The following CA13 variants were observed in gnomAD, a reference collection of about 807,000 sequenced individuals.
CA13 encodes CA-XIII.
Under a neutral mutation model 31.5 loss-of-function variants are expected in CA13, and 21 were observed. That is an observed-to-expected ratio of 0.67 (90% CI 0.47 to 0.96). The LOEUF is 0.96. CA13 is among the 40% of genes least tolerant of loss of function. The probability of loss-of-function intolerance (pLI) is 0.00; values close to 1 mark genes in which losing one functional copy is unlikely to be tolerated. For missense variants in CA13, 315 were observed against 318.9 expected (o/e 0.99, Z 0.09); for synonymous variants, 117 against 111.4 (o/e 1.05, Z -0.32).
intron 3 of CA13, among the ~76,000 whole-genome samples, chr8:85,264,718 CTGTT>C (rs1311553137): frequency 8.5e-5 from 13 of 152,204 alleles, no homozygotes; most frequent in Non-Finnish European, 7.4e-5. Flanking sequence ...ATATCTTTCT[CTGTT>C]TGGTCTCATC....
intron 3 of CA13, among the ~76,000 whole-genome samples, chr8:85,263,803 A>C (rs1184107915): frequency 6.6e-6 from 1 of 152,150 alleles, no homozygotes; most frequent in Non-Finnish European, 1.5e-5. Flanking sequence ...CAGTTTAAGA[A>C]GAGGTCAAGG....
intron 1 of CA13, chr8:85,249,778 A>G (rs963577453): frequency 4.6e-6 from 2 of 432,714 alleles, no homozygotes; most frequent in South Asian, 1.7e-5. Flanking sequence ...ATAAGAACCT[A>G]TAACCTATAA....
rs756431566 is a variant in CA13, at chr8:85,259,515, A to G, written c.330A>G (p.Val110=). The G allele has an allele frequency of 6.2e-7, 1 of 1,613,890 alleles. No individual in the cohort carries two copies. The highest frequency in any genetic ancestry group is 8.5e-7 in the Non-Finnish European group (1 of 1,179,762). ...SADDHGSEHI[V]DGVSYAAELH... ...ATGACCACGGCTCCGAGCACATAGT[A>G]GATGGAGTGAGCTATGCTGCAGAGG... The change falls in exon 3 of 7, where the codon GTA becomes GTG. Residue 110 remains valine (V), a synonymous_variant. Transcript: ENST00000321764.
chr8:85,274,440 C>T (rs1352666779), intron 6 of CA13, among the ~76,000 whole-genome samples: 1 of 152,072 alleles, frequency 6.6e-6, no homozygotes, highest in Non-Finnish European at 1.5e-5. Flanking sequence ...ATTAGAGAAC[C>T]ACCCTCCTAG....
At chr8:85,263,685 G>A (rs1054791727) in intron 3 of CA13, among the ~76,000 whole-genome samples, 5 of 152,176 alleles carry the variant, frequency 3.3e-5, no homozygotes, top group Non-Finnish European at 1.5e-5. Flanking sequence ...GTCTGGGAAG[G>A]AGCAGGTTGC....
At chr8:85,278,435 G>C (rs375444095) in intron 6 of CA13, among the ~76,000 whole-genome samples, 1 of 152,088 alleles carries the variant, frequency 6.6e-6, no homozygotes, top group Non-Finnish European at 1.5e-5. Flanking sequence ...TGAGACATGC[G>C]TGTGGACATA....
At chr8:85,274,647 G>A (rs181632368) in intron 6 of CA13, among the ~76,000 whole-genome samples, 7 of 152,252 alleles carry the variant, frequency 4.6e-5, no homozygotes, top group African/African-American at 1.4e-4. Flanking sequence ...AAAAATTGCC[G>A]CAAGCATTTG....
chr8:85,266,614 G>T lies in CA13; in HGVS notation c.361G>T (p.Val121Phe), dbSNP rs1308386622. ...TTGTATATCTCCCTTTCAGCTCCAT[G>T]TTGTTCACTGGAATTCAGACAAATA... The part of the protein sequence containing the change: ...DGVSYAAELH[V>F]VHWNSDKYPS... The change falls in exon 4 of 7, where the codon GTT (valine) becomes TTT (phenylalanine). Residue 121 changes from valine to phenylalanine, a missense_variant. Physicochemically the swap from Val to Phe is conservative, Grantham distance 50 (BLOSUM62 -1). Transcript: ENST00000321764. The T allele has an allele frequency of 6.2e-7, 1 of 1,613,116 alleles. No homozygotes were observed. Among genetic ancestry groups the T allele is most frequent in the South Asian group, 1.1e-5 (1 of 91,022 alleles).
chr8:85,259,554 A>G lies in CA13; in HGVS notation c.354+15A>G. On this transcript the variant is annotated intron_variant, in intron 3 of 6. Coordinates refer to ENST00000321764, the MANE Select transcript of CA13 (RefSeq NM_198584.3). ...ATGCTGCAGAGGTAAGCCATAAGAC[A>G]TATCTGTGATTCACAGTTTTCCCAC... 6.3e-7 allele frequency: 1 copy of G among 1,594,046 alleles called. No individual in the cohort carries two copies. The highest frequency in any genetic ancestry group is 8.6e-7 in the Non-Finnish European group (1 of 1,161,920).
Position 85,245,511 on chromosome 8 carries a change from C to T in CA13, c.-318C>T, listed in dbSNP as rs1274083922. The T allele has an allele frequency of 2.6e-6, 1 of 383,692 alleles. No individual in the cohort carries two copies. Among genetic ancestry groups the T allele is most frequent in the Non-Finnish European group, 4.7e-6 (1 of 211,614 alleles). The allele number at this position is 383,692 out of a possible 1,614,324, so 23.8% of individuals were successfully genotyped here. On this transcript the variant is annotated 5_prime_UTR_variant, in exon 1 of 7. Coordinates refer to ENST00000321764, the MANE Select transcript of CA13 (RefSeq NM_198584.3). ...CACTTTCCTCTCCCGAGTGACGACT[C>T]CTCAGAAGGCAGGAGATCCCCCCCG...
At position 85,258,759 on chromosome 8, in the gene CA13, C is replaced by CAAAAAAAAA. The variant is rs33933991; in HGVS notation, c.236-641_236-633dup. ...ATAACATAGTGAGGCCCTGTCTCTACAAAAAAAAAAAAAAAAAAAAAAAAA... is the reference window on the plus strand; with the variant it reads ...ATAACATAGTGAGGCCCTGTCTCTACAAAAAAAAAAAAAAAAAAAAAAAAAAAAAAAAAA... On this transcript the variant is annotated intron_variant, in intron 2 of 6. Coordinates refer to ENST00000321764, the MANE Select transcript of CA13 (RefSeq NM_198584.3). Among the ~76,000 whole-genome samples the CAAAAAAAAA allele has an allele frequency of 2.8e-4, 12 of 43,478 alleles. 1 individual carries two copies. The highest frequency in any genetic ancestry group is 9.8e-4 in the Admixed American group (2 of 2,042). 28.5% of individuals were successfully genotyped at this position (43,478 alleles called of 152,430 possible).
intron 6 of CA13, among the ~76,000 whole-genome samples, chr8:85,276,094 G>A (rs1055099531): frequency 6.6e-6 from 1 of 152,128 alleles, no homozygotes; most frequent in African/African-American, 2.4e-5. Flanking sequence ...GGGGCTGCGG[G>A]CGGTGCTTGC....
chr8:85,256,001 G>A (rs1807287671), intron 2 of CA13, among the ~76,000 whole-genome samples: 1 of 151,566 alleles, frequency 6.6e-6, no homozygotes, highest in African/African-American at 2.4e-5. Context: ...CCTGGCACAT[G>A]GTAGGTGCTC....
intron 2 of CA13, among the ~76,000 whole-genome samples, chr8:85,258,757 T>TCC (rs1564001439): frequency 1.6e-4 from 1 of 6,264 alleles, no homozygotes; most frequent in Non-Finnish European, 3.1e-4. Context: ...GCCCTGTCTC[T>TCC]ACAAAAAAAA....
chr8:85,265,428 T>C (rs1807442304), intron 3 of CA13, among the ~76,000 whole-genome samples: 1 of 152,230 alleles, frequency 6.6e-6, no homozygotes. Flanking sequence ...AGATACCGTA[T>C]TGCTTGCAAT....
At chr8:85,278,711 C>T (rs1363623341) in intron 6 of CA13, among the ~76,000 whole-genome samples, 1 of 152,008 alleles carries the variant, frequency 6.6e-6, no homozygotes, top group Non-Finnish European at 1.5e-5. Context: ...GTCATGGATG[C>T]CTGGTGATTT....
intron 6 of CA13, among the ~76,000 whole-genome samples, chr8:85,269,425 C>A (rs1157218989): frequency 6.6e-6 from 1 of 152,112 alleles, no homozygotes; most frequent in South Asian, 2.1e-4. Context: ...CATTCCAGAG[C>A]AAGACTTTGT....
chr8:85,266,658 A>C lies in CA13; in HGVS notation c.405A>C (p.Ala135=), dbSNP rs1479576820. 9 of 1,614,032 alleles carry C rather than the reference A, an allele frequency of 5.6e-6. No homozygotes were observed. The highest frequency in any genetic ancestry group is 1.7e-5 in the Admixed American group (1 of 60,012). Residue 135 remains alanine (A), a synonymous_variant, in exon 4 of 7, where the codon GCA becomes GCC. Transcript: ENST00000321764. The part of the protein sequence containing the change: ...NSDKYPSFVE[A]AHEPDGLAVL... Reference sequence around the variant, plus strand: ...ACAAATACCCCAGCTTTGTTGAGGCAGCTCATGAACCAGATGGACTGGCTG... The same window carrying C: ...ACAAATACCCCAGCTTTGTTGAGGCCGCTCATGAACCAGATGGACTGGCTG...
rs770053257 is a variant in CA13, at chr8:85,281,267, G to A, written c.707G>A (p.Gly236Asp). The A allele has an allele frequency of 6.2e-7, 1 of 1,613,952 alleles. No individual in the cohort carries two copies. Among genetic ancestry groups the A allele is most frequent in the Admixed American group, 1.7e-5 (1 of 60,006 alleles). Residue 236 changes from glycine to aspartate, a missense_variant, in exon 7 of 7, where the codon GGT (glycine) becomes GAT (aspartate). By Grantham distance (94) the Gly-to-Asp change is moderately conservative (BLOSUM62 -1). Coordinates refer to ENST00000321764, the MANE Select transcript of CA13 (RefSeq NM_198584.3). ...KFRSLLCTAE[G>D]EAAAFLVSNH... ...CGCAGTCTCCTGTGCACAGCGGAGG[G>A]TGAAGCAGCAGCTTTTCTGGTGAGC... is the stretch of plus-strand genomic sequence containing the variant.
Sources: allele counts gnomAD v4.1 joint callset (sites outside exome capture counted in the v4.1 genomes callset), GRCh38; gene constraint gnomAD v4.1.1; transcripts MANE v1.5; gene names NCBI Gene and HGNC (gene_info 2026-07-23, HGNC 2026-07-21).